BTBD9: variants seen among roughly 807,000 people sequenced by gnomAD.
BTBD9 encodes BTB/POZ domain-containing protein 9.
In BTBD9, 49 loss-of-function variants were observed where a neutral mutation model predicts 64.3. That is an observed-to-expected ratio of 0.76 (90% CI 0.61 to 0.97). BTBD9 has a LOEUF of 0.97. Among genes scored for constraint, BTBD9 ranks in the 50% least tolerant of loss-of-function variants. BTBD9 has a pLI of 0.00. For synonymous variants in BTBD9, 260 were observed against 274.7 expected (o/e 0.95, Z 0.53); for missense variants, 598 against 762.1 (o/e 0.78, Z 2.53).
chr6:38,529,105 T>A (rs1196718473), intron 6 of BTBD9, among the ~76,000 whole-genome samples: 2 of 152,114 alleles, frequency 1.3e-5, no homozygotes, highest in African/African-American at 2.4e-5. Flanking sequence ...ACAAGCTGAC[T>A]GAGAAGCCCT....
At chr6:38,616,390 A>T (rs1777791479) in intron 1 of BTBD9, among the ~76,000 whole-genome samples, 1 of 152,204 alleles carries the variant, frequency 6.6e-6, no homozygotes, top group Admixed American at 6.5e-5. Context: ...ACTTTTTATA[A>T]CAAATATTTT....
intron 6 of BTBD9, among the ~76,000 whole-genome samples, chr6:38,450,973 C>T (rs1769514842): frequency 6.6e-6 from 1 of 152,150 alleles, no homozygotes; most frequent in African/African-American, 2.4e-5. Flanking sequence ...TTGTTTGTTG[C>T]CTCTGTGAGA....
intron 6 of BTBD9, among the ~76,000 whole-genome samples, chr6:38,528,484 C>A (rs529937645): frequency 1.3e-5 from 2 of 152,274 alleles, no homozygotes; most frequent in East Asian, 3.9e-4. Context: ...TCCCCCAATC[C>A]CAAGCAGCAC....
At chr6:38,375,964 A>T (rs2127610280) in intron 6 of BTBD9, among the ~76,000 whole-genome samples, 1 of 151,822 alleles carries the variant, frequency 6.6e-6, no homozygotes, top group Non-Finnish European at 1.5e-5. Context: ...AGAAAGAAAG[A>T]AAAAACGTGT....
At chr6:38,193,076 G>A (rs913164414) in intron 9 of BTBD9, among the ~76,000 whole-genome samples, 4 of 151,722 alleles carry the variant, frequency 2.6e-5, no homozygotes, top group South Asian at 2.1e-4. Context: ...AAAAAAGTGC[G>A]GACAAATAGA....
chr6:38,529,594 G>C (rs1055282455), intron 6 of BTBD9, among the ~76,000 whole-genome samples: 9 of 152,236 alleles, frequency 5.9e-5, no homozygotes, highest in African/African-American at 2.2e-4. Flanking sequence ...GTTGCGGGAA[G>C]TCAGGGACCC....
In BTBD9 at chr6:38,528,593, T is replaced by A. The variant is rs138149891; in HGVS notation, c.1154+49007A>T. On this transcript the variant is annotated intron_variant, in intron 6 of 10. Transcript: ENST00000481247. ...AACATGGATAACAGCTCAGTCATGG[T>A]AGAATATGGCACCAGGCAGAATCCT... Among the ~76,000 whole-genome samples the A allele has an allele frequency of 6.8e-3, 1,034 of 152,342 alleles. 6 individuals carry two copies. The highest frequency in any genetic ancestry group is 0.011 in the Non-Finnish European group (729 of 68,032).
chr6:38,606,007 G>A (rs956209549), intron 1 of BTBD9, among the ~76,000 whole-genome samples: 6 of 152,206 alleles, frequency 3.9e-5, no homozygotes, highest in Non-Finnish European at 7.3e-5. Flanking sequence ...GGTAACAGCC[G>A]ACTTGCTGAG....
At chr6:38,353,567 C>T (rs1366421933) in intron 6 of BTBD9, among the ~76,000 whole-genome samples, 2 of 152,154 alleles carry the variant, frequency 1.3e-5, no homozygotes, top group African/African-American at 4.8e-5. Context: ...TGTCATTACT[C>T]AATAAAACAT....
chr6:38,174,988 T>C lies in BTBD9; in HGVS notation c.1836A>G (p.Gln612=), dbSNP rs139518229. 1,214 of 1,613,850 alleles carry C rather than the reference T, an allele frequency of 7.5e-4. 13 individuals carry two copies. In the African/African-American group the frequency reaches 0.014, roughly 18 times the overall value. Reference sequence around the variant, plus strand: ...CACACCAGGCCCGCTGCCTCCTTTATTGGTGCTGCCGGTTGGGGGAGCGTG... The same window carrying C: ...CACACCAGGCCCGCTGCCTCCTTTACTGGTGCTGCCGGTTGGGGGAGCGTG... ...SNSRSPNRQH[Q] is the part of the protein sequence containing the mutation. Residue 612 remains glutamine (Q), a synonymous_variant, in exon 11 of 11, where the codon CAA becomes CAG. Transcript: ENST00000481247.
chr6:38,296,848 T>C lies in BTBD9; in HGVS notation c.1265-8387A>G, dbSNP rs200103060. 3.7e-4 allele frequency among the ~76,000 whole-genome samples: 56 copies of C among 152,302 alleles called. No individual in the cohort carries two copies. The East Asian group carries it at 0.01, about 28-fold the overall frequency. ...TTACTGATTTTTAATTAAATTGCAATGTGGAAAAAAAACTGTGGTGTGTCC... is the reference window on the plus strand; with the variant it reads ...TTACTGATTTTTAATTAAATTGCAACGTGGAAAAAAAACTGTGGTGTGTCC... On this transcript the variant is annotated intron_variant, in intron 7 of 10. Transcript: ENST00000481247.
chr6:38,633,705 T>C lies in BTBD9; in HGVS notation c.-28+6095A>G, dbSNP rs76336225. On this transcript the variant is annotated intron_variant, in intron 1 of 10. Coordinates refer to ENST00000481247, the MANE Select transcript of BTBD9 (RefSeq NM_001099272.2). The stretch of plus-strand genomic sequence containing the variant: ...TTAAGAAGCCAGAGTACCTAGTCTG[T>C]AATCAATATTTATACAGTACTTATC... Among the ~76,000 whole-genome samples, 553 of 152,302 alleles carry C rather than the reference T, an allele frequency of 3.6e-3. 3 individuals carry two copies. Among genetic ancestry groups the C allele is most frequent in the African/African-American group, 0.013 (529 of 41,550 alleles).
At chr6:38,490,122 A>G (rs1771637371) in intron 6 of BTBD9, among the ~76,000 whole-genome samples, 1 of 152,144 alleles carries the variant, frequency 6.6e-6, no homozygotes, top group Non-Finnish European at 1.5e-5. Context: ...GGTTCCACTC[A>G]GTGTTGGCCA....
At chr6:38,634,014 C>A (rs1305807356) in intron 1 of BTBD9, among the ~76,000 whole-genome samples, 1 of 152,152 alleles carries the variant, frequency 6.6e-6, no homozygotes, top group Non-Finnish European at 1.5e-5. Context: ...GTGCACAAGG[C>A]AATTATTGTT....
At chr6:38,327,391 A>G (rs1206187863) in intron 7 of BTBD9, among the ~76,000 whole-genome samples, 2 of 152,160 alleles carry the variant, frequency 1.3e-5, no homozygotes, top group East Asian at 3.8e-4. Flanking sequence ...CAGCAGGTTT[A>G]GAGGCCCCTT....
chr6:38,365,997 C>T (rs1300919575), intron 6 of BTBD9, among the ~76,000 whole-genome samples: 1 of 152,164 alleles, frequency 6.6e-6, no homozygotes, highest in Admixed American at 6.5e-5. Flanking sequence ...TAACTGGATG[C>T]TTCTCACTCA....
intron 6 of BTBD9, among the ~76,000 whole-genome samples, chr6:38,365,461 G>GT (rs1259556707): frequency 2.0e-5 from 3 of 152,158 alleles, no homozygotes; most frequent in African/African-American, 7.2e-5. Flanking sequence ...GAAGGTACAG[G>GT]CTGGATGTGG....
intron 10 of BTBD9, among the ~76,000 whole-genome samples, chr6:38,191,703 C>T (rs955874741): frequency 6.6e-6 from 1 of 152,124 alleles, no homozygotes; most frequent in African/African-American, 2.4e-5. Flanking sequence ...CCAAGCAGAA[C>T]CCAGGCATCC....
intron 6 of BTBD9, among the ~76,000 whole-genome samples, chr6:38,574,340 A>G (rs1386391021): frequency 6.6e-6 from 1 of 152,236 alleles, no homozygotes; most frequent in Non-Finnish European, 1.5e-5. Context: ...CAACCAAAAT[A>G]TATGAAAACT....
Sources: allele counts gnomAD v4.1 joint callset (sites outside exome capture counted in the v4.1 genomes callset), GRCh38; gene constraint gnomAD v4.1.1; transcripts MANE v1.5; gene names NCBI Gene and HGNC (gene_info 2026-07-23, HGNC 2026-07-21).